The following DENND4C variants were observed in gnomAD, a reference collection of about 807,000 sequenced individuals.
DENND4C encodes DENN domain-containing protein 4C.
Under a neutral mutation model 203.0 loss-of-function variants are expected in DENND4C, and 108 were observed. The ratio of observed to expected loss-of-function variants is 0.53; its 90% CI spans 0.46 to 0.62. The LOEUF (loss-of-function observed/expected upper bound fraction) is 0.62, where lower values mean the gene tolerates loss of function less well. DENND4C is among the 20% of genes least tolerant of loss of function. The probability of loss-of-function intolerance (pLI) is 0.00; values close to 1 mark genes in which losing one functional copy is unlikely to be tolerated. For missense variants in DENND4C, 2,481 were observed against 2,301.2 expected (o/e 1.08, Z -1.60); for synonymous variants, 871 against 792.4 (o/e 1.10, Z -1.67).
chr9:19,357,041 C>A lies in DENND4C; in HGVS notation c.4851C>A (p.Ser1617=). Residue 1617 remains serine (S), a synonymous_variant, in exon 27 of 33, where the codon TCC becomes TCA. Coordinates refer to ENST00000434457, the MANE Select transcript of DENND4C (RefSeq NM_001330640.2). ...QSGSIPLANE[S]LEHKPVSSLA... Reference sequence around the variant, plus strand: ...GAAGCATTCCATTGGCAAATGAATCCTTGGAGCACAAACCTGTATCCAGTT... The same window carrying A: ...GAAGCATTCCATTGGCAAATGAATCATTGGAGCACAAACCTGTATCCAGTT... The A allele has an allele frequency of 6.2e-7, 1 of 1,613,928 alleles. No homozygotes were observed. The highest frequency in any genetic ancestry group is 8.5e-7 in the Non-Finnish European group (1 of 1,179,916).
chr9:19,230,979 G>C (rs999079001), intron 1 of DENND4C, 146 bp downstream of exon 1: 1 of 152,434 alleles, frequency 6.6e-6, no homozygotes, highest in African/African-American at 2.4e-5. Context: ...TCGCCGAGGA[G>C]GCGGAGAGTG....
chr9:19,351,910 T>C (rs1824229170), intron 24 of DENND4C, among the ~76,000 whole-genome samples, 163 bp from the exon 25 acceptor site: 1 of 152,218 alleles, frequency 6.6e-6, no homozygotes, highest in South Asian at 2.1e-4. Flanking sequence ...AATTAACTAT[T>C]GTTAACTTTA....
chr9:19,357,951 T>C lies in DENND4C; in HGVS notation c.4965-14T>C. On this transcript the variant is annotated splice_polypyrimidine_tract_variant and intron_variant, in intron 27 of 32. Transcript: ENST00000434457. ...CAACATGAACATAGCATTTCTTCTATATTTATTTTTAAGTGATGAAATAAA... is the reference window on the plus strand; with the variant it reads ...CAACATGAACATAGCATTTCTTCTACATTTATTTTTAAGTGATGAAATAAA... 6.4e-7 allele frequency: 1 copy of C among 1,574,556 alleles called. No homozygotes were observed. Among genetic ancestry groups the C allele is most frequent in the Non-Finnish European group, 8.7e-7 (1 of 1,154,906 alleles).
intron 18 of DENND4C, 81 bp downstream of exon 18, chr9:19,335,186 C>T: frequency 3.0e-6 from 3 of 1,015,114 alleles, no homozygotes; most frequent in Non-Finnish European, 2.6e-6. Flanking sequence ...TCATGAAACT[C>T]CTATTAAAGG....
intron 3 of DENND4C, 113 bp downstream of exon 3, chr9:19,287,134 G>GA: frequency 1.0e-6 from 1 of 981,398 alleles, no homozygotes; most frequent in Non-Finnish European, 1.3e-6. Context: ...CATGATGCTT[G>GA]TTTTTATTTT....
chr9:19,299,395 A>G (rs543095910), intron 8 of DENND4C, 108 bp downstream of exon 8: 8 of 736,078 alleles, frequency 1.1e-5, no homozygotes, highest in African/African-American at 3.8e-5. Flanking sequence ...TTATTTTACA[A>G]TTAACTTTAT....
intron 2 of DENND4C, among the ~76,000 whole-genome samples, chr9:19,284,124 T>C (rs1348862425): frequency 2.0e-5 from 3 of 152,178 alleles, no homozygotes; most frequent in Admixed American, 1.3e-4. Context: ...AAATTGACAT[T>C]TTTTTTCATT....
intron 1 of DENND4C, among the ~76,000 whole-genome samples, chr9:19,260,165 G>A (rs924017139): frequency 3.3e-5 from 5 of 152,110 alleles, no homozygotes; most frequent in African/African-American, 1.2e-4. Context: ...TTTAACTGGT[G>A]TGAGATGATA....
chr9:19,288,706 T>A (rs1270915857), intron 4 of DENND4C, 41 bp downstream of exon 4: 1 of 1,087,634 alleles, frequency 9.2e-7, no homozygotes, highest in African/African-American at 1.6e-5. Context: ...GCTATAGTTA[T>A]TGGTGCATAT....
intron 1 of DENND4C, among the ~76,000 whole-genome samples, chr9:19,237,456 A>G (rs1326834869): frequency 6.6e-6 from 1 of 151,960 alleles, no homozygotes; most frequent in African/African-American, 2.4e-5. Flanking sequence ...AGTTCAAGCG[A>G]TTCTTCTGCC....
At chr9:19,303,906 TCTCA>T (rs1425600796) in intron 9 of DENND4C, among the ~76,000 whole-genome samples, 1 of 151,980 alleles carries the variant, frequency 6.6e-6, no homozygotes, top group East Asian at 1.9e-4. Flanking sequence ...GAGATGAGGG[TCTCA>T]CTCTGTTGTC....
At chr9:19,254,273 G>A (rs1474812037) in intron 1 of DENND4C, among the ~76,000 whole-genome samples, 1 of 152,186 alleles carries the variant, frequency 6.6e-6, no homozygotes, top group Non-Finnish European at 1.5e-5. Flanking sequence ...AGATTGAAGA[G>A]ATATCTGTAC....
chr9:19,319,395 T>TATATATATAC (rs1842477957), intron 12 of DENND4C, among the ~76,000 whole-genome samples: 1 of 130,088 alleles, frequency 7.7e-6, no homozygotes. Context: ...TATATATACA[T>TATATATATAC]ATATATATAC....
At chr9:19,242,229 C>T (rs1294849311) in intron 1 of DENND4C, among the ~76,000 whole-genome samples, 1 of 152,122 alleles carries the variant, frequency 6.6e-6, no homozygotes, top group African/African-American at 2.4e-5. Context: ...TTTAAGGGTC[C>T]TTTACATCAT....
At chr9:19,302,974 T>C (rs1202705582) in intron 9 of DENND4C, among the ~76,000 whole-genome samples, 1 of 152,052 alleles carries the variant, frequency 6.6e-6, no homozygotes. Context: ...TGAACTCTAA[T>C]GTCCTTTACT....
chr9:19,234,205 C>T (rs1407892144), intron 1 of DENND4C, among the ~76,000 whole-genome samples: 1 of 151,898 alleles, frequency 6.6e-6, no homozygotes, highest in Non-Finnish European at 1.5e-5. Flanking sequence ...TTTAGTAATT[C>T]CACTTTCTTA....
Position 19,346,974 on chromosome 9 carries a change from T to C in DENND4C, c.4205T>C (p.Ile1402Thr). 1.9e-6 allele frequency: 3 copies of C among 1,614,176 alleles called. No homozygotes were observed. Among genetic ancestry groups the C allele is most frequent in the Non-Finnish European group, 2.5e-6 (3 of 1,180,036 alleles). ...NSLSGLKLDN[I>T]LSGPKIDVLK... The stretch of plus-strand genomic sequence containing the variant: ...TTGTCAGGGCTAAAGCTGGATAATA[T>C]ACTCTCAGGGCCCAAGATAGATGTC... The change falls in exon 23 of 33, where the codon ATA becomes ACA. Residue 1402 changes from isoleucine (I) to threonine (T), a missense_variant. Ile to Thr is a moderately conservative substitution (Grantham distance 89, BLOSUM62 -1). Around this residue, in one of 3 missense-constraint regions of DENND4C, gnomAD observed 2,289 missense variants for 2,113.3 expected, o/e 1.08. Coordinates refer to ENST00000434457, the MANE Select transcript of DENND4C (RefSeq NM_001330640.2).
intron 1 of DENND4C, among the ~76,000 whole-genome samples, chr9:19,272,757 T>C (rs1462374820): frequency 1.3e-5 from 2 of 151,484 alleles, no homozygotes; most frequent in Non-Finnish European, 2.9e-5. Flanking sequence ...TAGACATGTT[T>C]TTTTATTTTT....
intron 1 of DENND4C, among the ~76,000 whole-genome samples, chr9:19,254,261 G>A (rs1361232234): frequency 6.6e-6 from 1 of 152,170 alleles, no homozygotes; most frequent in Non-Finnish European, 1.5e-5. Context: ...AGTGAAATCA[G>A]TAGATTGAAG....
Sources: gnomAD v4.1 joint callset for allele counts (sites outside exome capture counted in the v4.1 genomes callset) on GRCh38, gnomAD v4.1.1 for gene constraint, gnomAD v4.1.1 regional missense constraint, MANE v1.5 for transcripts, NCBI Gene and HGNC (gene_info 2026-07-23, HGNC 2026-07-21) for gene names.